Variants in IQSEC3 observed in about 807,000 individuals in gnomAD.
The protein encoded by IQSEC3 is IQ motif and Sec7 domain ArfGEF 3.
A neutral mutation model predicts 105.4 loss-of-function variants in IQSEC3; 50 were observed. That is an observed-to-expected ratio of 0.47 (90% CI 0.38 to 0.60). IQSEC3 has a LOEUF of 0.60. IQSEC3 is among the 20% of genes least tolerant of loss of function. The pLI is 0.00. For synonymous variants in IQSEC3, 708 were observed against 746.0 expected, an observed-to-expected ratio of 0.95 and a Z score of 0.83; for missense variants, 1,415 against 1,630.0, an observed-to-expected ratio of 0.87 and a Z score of 2.27.
Position 99,500 on chromosome 12 carries a change from G to A in IQSEC3, c.623+286G>A, listed in dbSNP as rs567860291. Among the ~76,000 whole-genome samples, 123 of 152,318 alleles carry A rather than the reference G, an allele frequency of 8.1e-4. 1 individual carries two copies. The Middle Eastern group carries it at 0.014, about 17-fold the overall frequency. On this transcript the variant is annotated intron_variant, in intron 2 of 13. Coordinates refer to ENST00000538872, the MANE Select transcript of IQSEC3 (RefSeq NM_001170738.2). ...TAAAATCTAACTTTTGTAAGCAGCC[G>A]GGAAAGTTGATTTGATTGGGGATAT...
intron 11 of IQSEC3, among the ~76,000 whole-genome samples, chr12:166,631 G>A (rs1391762485): frequency 6.6e-6 from 1 of 152,208 alleles, no homozygotes; most frequent in Non-Finnish European, 1.5e-5. Context: ...AATAAGAACA[G>A]ATTCAGAAAC....
At chr12:103,906 C>CTGG (rs1864551086) in intron 2 of IQSEC3, among the ~76,000 whole-genome samples, 1 of 133,042 alleles carries the variant, frequency 7.5e-6, no homozygotes, top group African/African-American at 2.9e-5. Context: ...AGGCGGGGCT[C>CTGG]AGGAGGGGGA....
At chr12:75,305 C>A (rs1453983626) in intron 1 of IQSEC3, among the ~76,000 whole-genome samples, 29 of 152,344 alleles carry the variant, frequency 1.9e-4, no homozygotes, top group Middle Eastern at 6.8e-3. Context: ...GGAGGCAGAT[C>A]AGTCTAAATG....
intron 3 of IQSEC3, among the ~76,000 whole-genome samples, chr12:131,267 G>A (rs1003465060): frequency 6.6e-6 from 1 of 152,190 alleles, no homozygotes; most frequent in Non-Finnish European, 1.5e-5. Context: ...AGGGGGCGAG[G>A]CCATCATTCC....
chr12:90,082 G>A (rs1324205651), intron 1 of IQSEC3, among the ~76,000 whole-genome samples: 1 of 152,222 alleles, frequency 6.6e-6, no homozygotes, highest in African/African-American at 2.4e-5. Flanking sequence ...TCAACACTCG[G>A]TTTTGTCAGA....
At position 146,343 on chromosome 12, in the gene IQSEC3, T is replaced by C. The variant is rs1337015727; in HGVS notation, c.2153+5058T>C. ...AGATAAAAAGAGGCCCAGGCAGGGA[T>C]TGTGGCTCACACCTGTGGTCGCAGC... is the stretch of plus-strand genomic sequence containing the variant. On this transcript the variant is annotated intron_variant, in intron 5 of 13. Transcript: ENST00000538872. Among the ~76,000 whole-genome samples the C allele has an allele frequency of 2.6e-5, 4 of 152,142 alleles. No individual in the cohort carries two copies. In the East Asian group the frequency reaches 7.7e-4, roughly 29 times the overall value.
intron 3 of IQSEC3, among the ~76,000 whole-genome samples, chr12:131,138 G>GTCT (rs1555084987): frequency 1.3e-5 from 2 of 148,946 alleles, no homozygotes; most frequent in Non-Finnish European, 2.9e-5. Flanking sequence ...AGCTGCCACA[G>GTCT]CAACCTGAAA....
At chr12:122,046 C>A (rs1318472764) in intron 2 of IQSEC3, among the ~76,000 whole-genome samples, 1 of 152,198 alleles carries the variant, frequency 6.6e-6, no homozygotes, top group African/African-American at 2.4e-5. Context: ...GGTTTTGTGG[C>A]CACCTTCCAC....
At chr12:131,144 T>G (rs1202531341) in intron 3 of IQSEC3, among the ~76,000 whole-genome samples, 2 of 150,686 alleles carry the variant, frequency 1.3e-5, no homozygotes, top group African/African-American at 4.9e-5. Context: ...CACAGCAACC[T>G]GAAAGAAGGG....
intron 2 of IQSEC3, among the ~76,000 whole-genome samples, chr12:119,888 C>G (rs550041781): frequency 7.2e-4 from 110 of 152,262 alleles, no homozygotes; most frequent in Non-Finnish European, 1.3e-3. Context: ...GCACTCTCCA[C>G]AGTGCTCCCA....
intron 1 of IQSEC3, among the ~76,000 whole-genome samples, chr12:98,630 C>T (rs1245883613): frequency 6.6e-6 from 1 of 152,168 alleles, no homozygotes; most frequent in African/African-American, 2.4e-5. Flanking sequence ...CATCAAGCAC[C>T]ACTCCTTGGA....
chr12:115,301 A>C (rs1865014018), intron 2 of IQSEC3, among the ~76,000 whole-genome samples: 1 of 152,190 alleles, frequency 6.6e-6, no homozygotes, highest in Admixed American at 6.5e-5. Flanking sequence ...TCAGGACCCA[A>C]GAAACATGTG....
intron 4 of IQSEC3, 124 bp from the exon 5 acceptor site, chr12:141,000 A>C: frequency 1.0e-6 from 1 of 975,140 alleles, no homozygotes; most frequent in Non-Finnish European, 1.5e-6. Context: ...TGGTGAGAGA[A>C]GCTTCAATGG....
Position 99,045 on chromosome 12 carries a change from G to A in IQSEC3, c.555-101G>A, listed in dbSNP as rs1864332434. On this transcript the variant is annotated intron_variant, in intron 1 of 13. Coordinates refer to ENST00000538872, the MANE Select transcript of IQSEC3 (RefSeq NM_001170738.2). ...TACACAGGGGCTCAAAAGGGCGGGG[G>A]TAGGAGCAGCAAGATTTCAGGGCAG... The A allele has an allele frequency of 4.7e-6, 5 of 1,058,018 alleles. No individual in the cohort carries two copies. In the East Asian group the frequency reaches 7.8e-5, roughly 17 times the overall value. The allele number at this position is 1,058,018 out of a possible 1,614,324, so 65.5% of individuals were successfully genotyped here. A position where few individuals can be genotyped will look rare whatever the true frequency, so the allele number is the denominator to read the frequency against.
intron 9 of IQSEC3, 83 bp from the exon 10 acceptor site, chr12:165,351 C>T (rs1867115460): frequency 6.0e-6 from 6 of 1,004,506 alleles, no homozygotes; most frequent in South Asian, 3.9e-5. Flanking sequence ...TTTGTGTGAT[C>T]GTGCATCCCC....
At chr12:143,185 TG>T (rs1317633756) in intron 5 of IQSEC3, 2 of 152,572 alleles carry the variant, frequency 1.3e-5, no homozygotes, top group African/African-American at 4.8e-5. Context: ...GAGCAGTGGC[TG>T]CAAGCCTGTG....
intron 13 of IQSEC3, among the ~76,000 whole-genome samples, chr12:172,497 A>G (rs7314432): frequency 0.97 from 148,184 of 152,264 alleles, 72,253 homozygotes; most frequent in East Asian, 1. Flanking sequence ...CTGCCCTAAC[A>G]GCATATGGCT....
chr12:108,467 G>C (rs1160070643), intron 2 of IQSEC3, among the ~76,000 whole-genome samples: 1 of 152,220 alleles, frequency 6.6e-6, no homozygotes, highest in Non-Finnish European at 1.5e-5. Flanking sequence ...TGGACATTGT[G>C]TCTTTTACCA....
chr12:125,398 T>C (rs894696386), intron 2 of IQSEC3, among the ~76,000 whole-genome samples: 5 of 152,000 alleles, frequency 3.3e-5, no homozygotes, highest in Non-Finnish European at 7.4e-5. Context: ...GCCCTGGCCA[T>C]AGCTGCCCCT....
Sources: allele counts gnomAD v4.1 joint callset (sites outside exome capture counted in the v4.1 genomes callset), GRCh38; gene constraint gnomAD v4.1.1; transcripts MANE v1.5; gene names NCBI Gene and HGNC (gene_info 2026-07-23, HGNC 2026-07-21).